Variants in OGFOD2 observed in about 807,000 individuals in gnomAD.
OGFOD2 encodes 2-oxoglutarate and iron-dependent oxygenase domain-containing protein 2.
A neutral mutation model predicts 31.1 loss-of-function variants in OGFOD2; 34 were observed. That is an observed-to-expected ratio of 1.09 (90% CI 0.83 to 1.45). The LOEUF (loss-of-function observed/expected upper bound fraction) is 1.45, where lower values mean the gene tolerates loss of function less well. Ranked by LOEUF, OGFOD2 falls within the 40% of genes most tolerant of loss-of-function variation. The pLI is 0.00. For synonymous variants in OGFOD2, 240 were observed against 192.3 expected (o/e 1.25, Z -2.05); for missense variants, 537 against 433.9 (o/e 1.24, Z -2.11).
exon 3 of OGFOD2, chr12:122,976,729 T>C (rs756018949): frequency 2.0e-5 from 33 of 1,613,712 alleles, no homozygotes; most frequent in Non-Finnish European, 2.6e-5. Flanking sequence ...CGCGAGTTCC[T>C]ACCACCCGGC....
chr12:122,976,577 G>T, intron 2 of OGFOD2, 77 bp from the exon 3 acceptor site: 1 of 1,321,960 alleles, frequency 7.6e-7, no homozygotes. Context: ...GGCGTTCTGG[G>T]CTTCAGTTTC....
exon 1 of OGFOD2, chr12:122,975,256 C>T (rs2037377728): frequency 2.9e-6 from 2 of 679,306 alleles, no homozygotes; most frequent in African/African-American, 1.8e-5. Flanking sequence ...TTCACTATGG[C>T]GACGGTGGGG....
chr12:122,975,023 C>T, upstream of OGFOD2: 1 of 444,476 alleles, frequency 2.2e-6, no homozygotes, highest in Non-Finnish European at 4.1e-6. Context: ...AGCCATTAGT[C>T]CCTGCCTCGT....
At position 122,979,200 on chromosome 12, in the gene OGFOD2, CT is replaced by C; in HGVS notation, c.909del (p.Val304SerfsTer171). 1 of 1,612,274 alleles carries C rather than the reference CT, an allele frequency of 6.2e-7. No homozygotes were observed. Among genetic ancestry groups the C allele is most frequent in the Non-Finnish European group, 8.5e-7 (1 of 1,179,910 alleles). ...CTTGGGCACTGGTGAGCGTTGGAACCTTGTCGTCTGGCTCCGAGCCTCTGCT... is the reference window on the plus strand; with the variant it reads ...CTTGGGCACTGGTGAGCGTTGGAACCTGTCGTCTGGCTCCGAGCCTCTGCT... On this transcript the variant is annotated frameshift_variant, in exon 7 of 7. Coordinates refer to ENST00000228922, the Ensembl canonical transcript of OGFOD2. LOFTEE classifies it high-confidence loss of function.
upstream of OGFOD2, chr12:122,975,092 A>G (rs775309616): frequency 1.2e-5 from 6 of 494,944 alleles, no homozygotes; most frequent in East Asian, 1.5e-4. Flanking sequence ...GCCCAGGAGC[A>G]TCTTTCTCCG....
At chr12:122,980,026 TA>T in exon 7 of OGFOD2, 1 of 461,410 alleles carries the variant, frequency 2.2e-6, no homozygotes, top group Non-Finnish European at 3.5e-6. Context: ...CTGACGTATA[TA>T]AAGTGCTTTG....
At chr12:122,975,358 A>C (rs767781445) in exon 1 of OGFOD2, 1 of 701,474 alleles carries the variant, frequency 1.4e-6, no homozygotes, top group South Asian at 1.5e-5. Context: ...CGAGGCGAGC[A>C]GCAGCTGCGC....
exon 7 of OGFOD2, chr12:122,979,810 AC>A: frequency 4.9e-6 from 1 of 204,078 alleles, no homozygotes; most frequent in Non-Finnish European, 9.7e-6. Context: ...AGCAGGCATC[AC>A]CCCCCAGTGG....
At chr12:122,977,072 A>G in intron 4 of OGFOD2, 102 bp downstream of exon 4, 1 of 1,121,496 alleles carries the variant, frequency 8.9e-7, no homozygotes, top group African/African-American at 1.5e-5. Context: ...TCTGCCTCCA[A>G]AAACCAAACC....
intron 4 of OGFOD2, 93 bp downstream of exon 4, chr12:122,977,063 C>T (rs1566211126): frequency 1.6e-6 from 2 of 1,280,718 alleles, no homozygotes; most frequent in Non-Finnish European, 1.1e-6. Flanking sequence ...GCCACCATCT[C>T]TGCCTCCAAA....
exon 6 of OGFOD2, chr12:122,978,884 G>C: frequency 6.2e-7 from 1 of 1,612,606 alleles, no homozygotes; most frequent in South Asian, 1.1e-5. Flanking sequence ...GGGCCTTTGT[G>C]GTCAAATACG....
intron 2 of OGFOD2, 66 bp downstream of exon 2, chr12:122,975,933 G>A: frequency 1.5e-6 from 1 of 688,684 alleles, no homozygotes; most frequent in Non-Finnish European, 2.7e-6. Flanking sequence ...TGAGGACACA[G>A]CTTGAGCCTA....
At chr12:122,976,295 C>T (rs541836626) in intron 2 of OGFOD2, 2 of 1,371,040 alleles carry the variant, frequency 1.5e-6, no homozygotes, top group South Asian at 2.4e-5. Context: ...TCCTCCTTCC[C>T]CTGGAGTCAG....
exon 6 of OGFOD2, chr12:122,978,863 C>T (rs779444076): frequency 3.5e-5 from 57 of 1,610,964 alleles, no homozygotes; most frequent in East Asian, 6.7e-5. Context: ...GGGGCCGGCT[C>T]GACAGCCACC....
chr12:122,978,668 A>G, intron 5 of OGFOD2, 85 bp from the exon 6 acceptor site: 1 of 1,586,350 alleles, frequency 6.3e-7, no homozygotes, highest in Non-Finnish European at 8.6e-7. Flanking sequence ...GCTGCGAAAG[A>G]AGGTCACAGT....
chr12:122,976,048 G>T, intron 2 of OGFOD2, 181 bp downstream of exon 2: 2 of 602,504 alleles, frequency 3.3e-6, no homozygotes, highest in Non-Finnish European at 6.0e-6. Flanking sequence ...GAGAGAGAAG[G>T]GGAAATGCTA....
chr12:122,978,913 A>G (rs1416004995), exon 6 of OGFOD2: 3 of 1,613,024 alleles, frequency 1.9e-6, no homozygotes, highest in Non-Finnish European at 2.5e-6. Flanking sequence ...CAGGACCTGG[A>G]GCTGGGCTGC....
intron 4 of OGFOD2, 34 bp from the exon 5 acceptor site, chr12:122,978,408 C>T (rs775415886): frequency 6.2e-7 from 1 of 1,608,990 alleles, no homozygotes; most frequent in Middle Eastern, 1.6e-4. Flanking sequence ...CCCACGGCCA[C>T]ATTCAGGCCA....
At chr12:122,976,046 A>T in intron 2 of OGFOD2, 179 bp downstream of exon 2, 1 of 603,608 alleles carries the variant, frequency 1.7e-6, no homozygotes, top group Non-Finnish European at 3.0e-6. Flanking sequence ...AGGAGAGAGA[A>T]GGGGAAATGC....
Sources: allele counts gnomAD v4.1 joint callset, GRCh38; gene constraint gnomAD v4.1.1; transcripts MANE v1.5; gene names NCBI Gene and HGNC (gene_info 2026-07-23, HGNC 2026-07-21).